Variants in CHD4 observed in about 807,000 individuals in gnomAD.
CHD4 encodes the protein chromodomain helicase DNA binding protein 4, also known as ATP-dependent chromatin remodeler CHD4.
A neutral mutation model predicts 235.5 loss-of-function variants in CHD4; 35 were observed. The ratio of observed to expected loss-of-function variants is 0.15; its 90% CI spans 0.11 to 0.20. The LOEUF is 0.20. Among genes scored for constraint, CHD4 ranks in the 10% least tolerant of loss-of-function variants. The probability of loss-of-function intolerance (pLI) is 1.00; values close to 1 mark genes in which losing one functional copy is unlikely to be tolerated. For synonymous variants in CHD4, 900 were observed against 850.2 expected (o/e 1.06, Z -1.02); for missense variants, 1,329 against 2,432.3 (o/e 0.55, Z 9.54).
chr12:6,599,506 G>T, intron 10 of CHD4, among the ~76,000 whole-genome samples: 1 of 152,116 alleles, frequency 6.6e-6, no homozygotes, highest in Admixed American at 6.5e-5. Flanking sequence ...CTGAGGCAGG[G>T]TGTCAACACA....
intron 2 of CHD4, among the ~76,000 whole-genome samples, chr12:6,604,636 T>C (rs1349113745): frequency 2.7e-5 from 4 of 150,410 alleles, no homozygotes; most frequent in Admixed American, 1.3e-4. Context: ...AGACAACCCA[T>C]GGAGGCAAAG....
chr12:6,600,102 C>G, intron 9 of CHD4, 90 bp from the exon 10 acceptor site: 1 of 1,578,582 alleles, frequency 6.3e-7, no homozygotes, highest in East Asian at 2.2e-5. Flanking sequence ...GAATGCTTCC[C>G]AAAGCTCACA....
Position 6,575,960 on chromosome 12 carries a change from C to T in CHD4, c.5361+1825G>A, listed in dbSNP as rs117336880. 3.0e-4 allele frequency among the ~76,000 whole-genome samples: 46 copies of T among 152,292 alleles called. No homozygotes were observed. In the East Asian group the frequency reaches 6.6e-3, roughly 22 times the overall value. ...CTTCTGTTTCTACCAAAAAAATCTC[C>T]GTCGCATTCTTCAAAACTTCATTCC... On this transcript the variant is annotated intron_variant, in intron 37 of 39. Transcript: ENST00000544040.
Position 6,606,435 on chromosome 12 carries a change from T to G in CHD4, c.-62A>C. On this transcript the variant is annotated 5_prime_UTR_variant, in exon 2 of 40. Transcript: ENST00000544040. ...CTCCTGCCGGCGGCCTGAGGACCTCTACACTGGCCCGAGTCACTGTGCGGG... is the reference window on the plus strand; with the variant it reads ...CTCCTGCCGGCGGCCTGAGGACCTCGACACTGGCCCGAGTCACTGTGCGGG... 9.6e-7 allele frequency: 1 copy of G among 1,042,312 alleles called. No individual in the cohort carries two copies. Among genetic ancestry groups the G allele is most frequent in the Non-Finnish European group, 1.4e-6 (1 of 710,232 alleles). 64.6% of individuals were successfully genotyped at this position (1,042,312 alleles called of 1,614,324 possible).
rs1247828345 is a variant in CHD4, at chr12:6,587,295, T to C, written c.3879+89A>G. 5.1e-6 allele frequency: 7 copies of C among 1,370,464 alleles called. No homozygotes were observed. The Admixed American group carries it at 1.4e-4, about 28-fold the overall frequency. The allele number at this position is 1,370,464 out of a possible 1,614,324, so 84.9% of individuals were successfully genotyped here. ...CAACATAAGAATTTGCCTACAGATA[T>C]TTTCCACTTGTCTCAAATACCACCT... On this transcript the variant is annotated intron_variant, in intron 25 of 39. Coordinates refer to ENST00000544040, the MANE Select transcript of CHD4 (RefSeq NM_001273.5).
intron 9 of CHD4, 49 bp downstream of exon 9, chr12:6,600,168 C>G (rs1033432655): frequency 6.2e-7 from 1 of 1,602,998 alleles, no homozygotes; most frequent in Non-Finnish European, 8.5e-7. Flanking sequence ...TTTACTGTCC[C>G]ACCCTTCTTC....
chr12:6,578,301 C>T, intron 35 of CHD4, 108 bp downstream of exon 35: 1 of 1,443,206 alleles, frequency 6.9e-7, no homozygotes, highest in Non-Finnish European at 9.6e-7. Context: ...TTGGCATTCC[C>T]TCATCAAACA....
intron 25 of CHD4, chr12:6,587,128 G>A: frequency 2.1e-6 from 1 of 479,974 alleles, no homozygotes; most frequent in East Asian, 3.5e-5. Flanking sequence ...ACACATAGGA[G>A]AAAATGACAT....
chr12:6,570,397 G>C lies in CHD4; in HGVS notation c.*279C>G, dbSNP rs537546275. The C allele has an allele frequency of 2.0e-6, 1 of 496,364 alleles. No homozygotes were observed. Among genetic ancestry groups the C allele is most frequent in the South Asian group, 3.2e-5 (1 of 31,034 alleles). The allele number at this position is 496,364 out of a possible 1,614,324, so 30.7% of individuals were successfully genotyped here. On this transcript the variant is annotated 3_prime_UTR_variant, in exon 40 of 40. Transcript: ENST00000544040. The stretch of plus-strand genomic sequence containing the variant: ...GGCAGGAACCCACAACAGTTTGTGT[G>C]TAACAGGCGTTACAGTGGGGAGAAG...
chr12:6,587,081 G>A, intron 25 of CHD4: 2 of 335,228 alleles, frequency 6.0e-6, no homozygotes, highest in East Asian at 6.4e-5. Flanking sequence ...AGAGAGATGA[G>A]GTAGCATTCA....
chr12:6,570,419 G>A lies in CHD4; in HGVS notation c.*257C>T, dbSNP rs1244360282. 1.3e-5 allele frequency: 7 copies of A among 534,888 alleles called. No individual in the cohort carries two copies. Among genetic ancestry groups the A allele is most frequent in the Non-Finnish European group, 1.7e-5 (5 of 300,986 alleles). 33.1% of individuals were successfully genotyped at this position (534,888 alleles called of 1,614,324 possible). On this transcript the variant is annotated 3_prime_UTR_variant, in exon 40 of 40. Coordinates refer to ENST00000544040, the MANE Select transcript of CHD4 (RefSeq NM_001273.5). ...TGTGTAACAGGCGTTACAGTGGGGA[G>A]AAGCCAGGGTCCAGAAGGCCAGCCC...
intron 2 of CHD4, among the ~76,000 whole-genome samples, chr12:6,603,948 C>T (rs1352638267): frequency 6.6e-6 from 1 of 152,082 alleles, no homozygotes; most frequent in East Asian, 1.9e-4. Context: ...GGAATGTCTG[C>T]ACAAAAAAAC....
chr12:6,588,950 G>A (rs1195159310), intron 22 of CHD4, among the ~76,000 whole-genome samples: 1 of 152,016 alleles, frequency 6.6e-6, no homozygotes, highest in African/African-American at 2.4e-5. Context: ...AACTCTTATA[G>A]AAAAATGTCA....
chr12:6,595,761 C>A (rs1338374466), intron 13 of CHD4, among the ~76,000 whole-genome samples: 3 of 146,760 alleles, frequency 2.0e-5, no homozygotes, highest in Non-Finnish European at 4.5e-5. Context: ...GCACTCCAGC[C>A]TGGGGGACAA....
intron 34 of CHD4, 124 bp from the exon 35 acceptor site, chr12:6,578,670 C>G (rs1049333233): frequency 3.4e-6 from 5 of 1,482,522 alleles, no homozygotes; most frequent in Admixed American, 1.9e-5. Context: ...GGGTGTCTCT[C>G]AGACCCAGAA....
chr12:6,594,087 G>A (rs1002524948), intron 15 of CHD4, among the ~76,000 whole-genome samples: 2 of 152,012 alleles, frequency 1.3e-5, no homozygotes, highest in Admixed American at 6.6e-5. Context: ...CACCAACCTC[G>A]GGCTTCCAAA....
rs373427780 is a variant in CHD4, at chr12:6,570,839, G to C, written c.5721+30C>G. The C allele has an allele frequency of 4.3e-5, 70 of 1,613,756 alleles. 1 individual carries two copies. In the African/African-American group the frequency reaches 8.0e-4, roughly 18 times the overall value. On this transcript the variant is annotated intron_variant, in intron 39 of 39. Coordinates refer to ENST00000544040, the MANE Select transcript of CHD4 (RefSeq NM_001273.5). ...AAGCTCCAGAATGGTTCTGCAGGAA[G>C]AGGTGGTGTCAAGAAGAAAATGGTC...
At chr12:6,578,754 G>T (rs1395393536) in intron 34 of CHD4, 92 bp downstream of exon 34, 1 of 1,397,206 alleles carries the variant, frequency 7.2e-7, no homozygotes. Flanking sequence ...AAAATGGCTA[G>T]ATGAGTATGG....
chr12:6,605,381 G>A (rs1412239101), intron 2 of CHD4, among the ~76,000 whole-genome samples: 2 of 152,194 alleles, frequency 1.3e-5, no homozygotes, highest in African/African-American at 4.8e-5. Context: ...AAAGACATCT[G>A]CTTAGGGGCA....
Sources: gnomAD v4.1 joint callset for allele counts (sites outside exome capture counted in the v4.1 genomes callset) on GRCh38, gnomAD v4.1.1 for gene constraint, MANE v1.5 for transcripts, NCBI Gene and HGNC (gene_info 2026-07-23, HGNC 2026-07-21) for gene names.